Variants in MPPED1 observed in about 807,000 individuals in gnomAD.
The protein encoded by MPPED1 is metallophosphoesterase domain containing 1.
MPPED1 carries 16 observed loss-of-function variants against 36.2 expected under a neutral mutation model. That is an observed-to-expected ratio of 0.44 (90% CI 0.30 to 0.67). The LOEUF (loss-of-function observed/expected upper bound fraction) is 0.67, where lower values mean the gene tolerates loss of function less well. Among genes scored for constraint, MPPED1 ranks in the 30% least tolerant of loss-of-function variants. The pLI, the probability that MPPED1 is intolerant of heterozygous loss-of-function variation, is 0.10. For missense variants in MPPED1, 307 were observed against 453.4 expected (o/e 0.68, Z 2.93); for synonymous variants, 199 against 191.3 (o/e 1.04, Z -0.33).
At chr22:43,473,594 C>T (rs1053851674) in intron 3 of MPPED1, among the ~76,000 whole-genome samples, 1 of 152,176 alleles carries the variant, frequency 6.6e-6, no homozygotes, top group African/African-American at 2.4e-5. Context: ...CAAATCAGGG[C>T]TTACAGGTAC....
intron 4 of MPPED1, among the ~76,000 whole-genome samples, chr22:43,492,779 G>A (rs1469750524): frequency 6.6e-6 from 1 of 152,160 alleles, no homozygotes; most frequent in Non-Finnish European, 1.5e-5. Flanking sequence ...TCTTCCTCAA[G>A]GCCCAGAGCT....
chr22:43,497,961 CT>C (rs745755958), intron 4 of MPPED1, among the ~76,000 whole-genome samples: 91,711 of 133,306 alleles, frequency 0.69, 32,867 homozygotes, highest in African/African-American at 0.89. Context: ...ATTTAGCTTT[CT>C]TTTTTTTTTG....
chr22:43,475,193 G>A (rs1374777361), intron 4 of MPPED1, among the ~76,000 whole-genome samples: 1 of 152,126 alleles, frequency 6.6e-6, no homozygotes, highest in Non-Finnish European at 1.5e-5. Flanking sequence ...GTTATGCTAT[G>A]CTGTACTAGC....
chr22:43,441,680 G>A (rs1383428629), intron 3 of MPPED1, among the ~76,000 whole-genome samples: 1 of 152,186 alleles, frequency 6.6e-6, no homozygotes, highest in Non-Finnish European at 1.5e-5. Context: ...CGATATATGA[G>A]ACAATATAAA....
intron 2 of MPPED1, among the ~76,000 whole-genome samples, chr22:43,431,021 A>ATTTTTTTTTTTTT (rs135076): frequency 7.1e-5 from 3 of 42,306 alleles, no homozygotes; most frequent in Admixed American, 4.3e-4. Flanking sequence ...GTTGTTGTTA[A>ATTTTTTTTTTTTT]TTTTTTTTTT....
chr22:43,435,225 T>C lies in MPPED1; in HGVS notation c.406+10T>C. ...TTCAACGAGTGGCTGGGTAGGTCCCTCCTGCCCCGGGCGGGCGGCTGTGCT... is the reference window on the plus strand; with the variant it reads ...TTCAACGAGTGGCTGGGTAGGTCCCCCCTGCCCCGGGCGGGCGGCTGTGCT... On this transcript the variant is annotated intron_variant, in intron 3 of 6. Coordinates refer to ENST00000443721, the MANE Select transcript of MPPED1 (RefSeq NM_001044370.2). The C allele has an allele frequency of 6.2e-7, 1 of 1,601,572 alleles. No homozygotes were observed. Among genetic ancestry groups the C allele is most frequent in the Non-Finnish European group, 8.5e-7 (1 of 1,178,538 alleles).
intron 3 of MPPED1, among the ~76,000 whole-genome samples, chr22:43,446,626 A>G (rs984612102): frequency 3.9e-5 from 6 of 152,070 alleles, no homozygotes; most frequent in Admixed American, 6.6e-5. Flanking sequence ...GGGGGATGGG[A>G]CCCAGTAGGG....
chr22:43,433,582 G>A (rs1381049764), intron 2 of MPPED1, among the ~76,000 whole-genome samples: 1 of 58,432 alleles, frequency 1.7e-5, no homozygotes, highest in Admixed American at 1.7e-4. Flanking sequence ...CCTAGGCCTA[G>A]CAACCCCCAG....
At position 43,505,568 on chromosome 22, in the gene MPPED1, C is replaced by A. The variant is rs768446587; in HGVS notation, c.933C>A (p.Pro311=). 1 of 1,612,876 alleles carries A rather than the reference C, an allele frequency of 6.2e-7. No homozygotes were observed. Among genetic ancestry groups the A allele is most frequent in the African/African-American group, 1.3e-5 (1 of 75,004 alleles). ...NASVCTVNYQ[P]VNPPIVIDLP... Reference sequence around the variant, plus strand: ...CCGTATGCACTGTGAACTACCAGCCCGTGAACCCGCCCATAGTCATCGACC... The same window carrying A: ...CCGTATGCACTGTGAACTACCAGCCAGTGAACCCGCCCATAGTCATCGACC... Residue 311 remains proline, a synonymous_variant, in exon 7 of 7, where the codon CCC becomes CCA. Coordinates refer to ENST00000443721, the MANE Select transcript of MPPED1 (RefSeq NM_001044370.2).
intron 3 of MPPED1, among the ~76,000 whole-genome samples, chr22:43,448,847 C>T (rs184504057): frequency 1.3e-4 from 20 of 152,238 alleles, no homozygotes; most frequent in African/African-American, 4.6e-4. Flanking sequence ...AAGTGATCCA[C>T]CTTGGGCTCC....
At chr22:43,428,950 T>A (rs1249853546) in intron 2 of MPPED1, among the ~76,000 whole-genome samples, 1 of 152,092 alleles carries the variant, frequency 6.6e-6, no homozygotes, top group African/African-American at 2.4e-5. Context: ...CCTGGAGCTC[T>A]CACTGAAGTC....
intron 1 of MPPED1, chr22:43,418,004 G>A (rs1337830140): frequency 1.1e-5 from 5 of 455,486 alleles, no homozygotes; most frequent in East Asian, 7.0e-5. Context: ...TAAGACAGTC[G>A]TTTCTGTGTG....
At chr22:43,439,413 GAA>G (rs1569070034) in intron 3 of MPPED1, among the ~76,000 whole-genome samples, 1 of 152,260 alleles carries the variant, frequency 6.6e-6, no homozygotes, top group Admixed American at 6.5e-5. Context: ...AAATGGCAAA[GAA>G]TGTGCAGGTG....
chr22:43,495,482 G>GTGGTGGTGGAGGTGA (rs1569088600), intron 4 of MPPED1, among the ~76,000 whole-genome samples: 1 of 52,676 alleles, frequency 1.9e-5, no homozygotes, highest in African/African-American at 1.3e-4. Flanking sequence ...GGTGGAGGTG[G>GTGGTGGTGGAGGTGA]TGGTGGAGGT....
chr22:43,483,926 G>T (rs532990452), intron 4 of MPPED1, among the ~76,000 whole-genome samples: 17 of 152,364 alleles, frequency 1.1e-4, no homozygotes, highest in African/African-American at 3.8e-4. Context: ...CCCGTGGCCA[G>T]TGGGGGCCTT....
intron 3 of MPPED1, among the ~76,000 whole-genome samples, chr22:43,464,297 G>C (rs1250981553): frequency 8.0e-4 from 64 of 80,288 alleles, no homozygotes; most frequent in African/African-American, 4.2e-3. Flanking sequence ...AGCTCTGTGT[G>C]TGTGTGTGTG....
rs548383751 is a variant in MPPED1 at position 43,436,410 on chromosome 22, G to A, written c.406+1195G>A. Among the ~76,000 whole-genome samples the A allele has an allele frequency of 1.8e-3, 275 of 152,356 alleles. 1 individual carries two copies. Among genetic ancestry groups the A allele is most frequent in the African/African-American group, 6.0e-3 (251 of 41,592 alleles). On this transcript the variant is annotated intron_variant, in intron 3 of 6. Transcript: ENST00000443721. Reference sequence around the variant, plus strand: ...GCCAGGAGTGAGGCAGGGCAGCCGCGGTGAGCCAGGGGCCCGACTCTGCCA... The same window carrying A: ...GCCAGGAGTGAGGCAGGGCAGCCGCAGTGAGCCAGGGGCCCGACTCTGCCA...
rs570276605 is a variant in MPPED1, at chr22:43,439,187, G to A, written c.406+3972G>A. 6.9e-4 allele frequency among the ~76,000 whole-genome samples: 105 copies of A among 152,316 alleles called. 3 individuals carry two copies. In the South Asian group the frequency reaches 0.019, roughly 28 times the overall value. On this transcript the variant is annotated intron_variant, in intron 3 of 6. Coordinates refer to ENST00000443721, the MANE Select transcript of MPPED1 (RefSeq NM_001044370.2). ...GGTGTCTATGCATTGCCCGTTTGCC[G>A]GCTTCTAGCTGGGTCTGCGTTCATG...
intron 3 of MPPED1, among the ~76,000 whole-genome samples, chr22:43,448,483 G>T (rs1930441490): frequency 6.6e-6 from 1 of 152,222 alleles, no homozygotes; most frequent in African/African-American, 2.4e-5. Context: ...AGGTGCAAAA[G>T]CTGAGCTCAG....
Sources: gnomAD v4.1 joint callset for allele counts (sites outside exome capture counted in the v4.1 genomes callset) on GRCh38, gnomAD v4.1.1 for gene constraint, MANE v1.5 for transcripts, NCBI Gene and HGNC (gene_info 2026-07-23, HGNC 2026-07-21) for gene names.